Variants in RHBDL3 observed in about 807,000 individuals in gnomAD.
RHBDL3 encodes the protein rhomboid like 3.
RHBDL3 carries 28 observed loss-of-function variants against 48.2 expected under a neutral mutation model. The observed-to-expected ratio is 0.58, with a 90% CI of 0.43 to 0.80. The LOEUF (loss-of-function observed/expected upper bound fraction) is 0.80, where lower values mean the gene tolerates loss of function less well. RHBDL3 is among the 30% of genes least tolerant of loss of function. The pLI is 0.00. For synonymous variants in RHBDL3, 208 were observed against 232.3 expected (o/e 0.90, Z 0.95); for missense variants, 464 against 542.7 (o/e 0.85, Z 1.44).
At chr17:32,279,316 C>T (rs1448880123) in intron 2 of RHBDL3, among the ~76,000 whole-genome samples, 5 of 152,190 alleles carry the variant, frequency 3.3e-5, no homozygotes, top group African/African-American at 4.8e-5. Flanking sequence ...AAGGCCAGCA[C>T]ATAAACTAGC....
intron 2 of RHBDL3, 116 bp from the exon 3 acceptor site, chr17:32,284,539 AGCCT>A: frequency 4.3e-6 from 4 of 928,708 alleles, no homozygotes; most frequent in Non-Finnish European, 6.5e-6. Flanking sequence ...CCAGACACTG[AGCCT>A]CTGCCAGGGG....
At position 32,267,792 on chromosome 17, in the gene RHBDL3, C is replaced by A; in HGVS notation, c.112-110C>A. On this transcript the variant is annotated intron_variant, in intron 1 of 8. Coordinates refer to ENST00000269051, the MANE Select transcript of RHBDL3 (RefSeq NM_138328.3). ...AGCCTGGTCATGACTCCTGGGCAGC[C>A]GCTGGGAGGCTATGTCAGAAACATC... is the stretch of plus-strand genomic sequence containing the variant. 1.9e-6 allele frequency: 3 copies of A among 1,585,562 alleles called. No individual in the cohort carries two copies. In the African/African-American group the frequency reaches 4.0e-5, roughly 21 times the overall value.
chr17:32,286,841 T>C (rs1289013008), intron 3 of RHBDL3, among the ~76,000 whole-genome samples: 1 of 152,164 alleles, frequency 6.6e-6, no homozygotes, highest in African/African-American at 2.4e-5. Context: ...GAGACTGAAA[T>C]CTGGCCCGGA....
intron 2 of RHBDL3, among the ~76,000 whole-genome samples, chr17:32,279,828 C>A (rs1386519190): frequency 6.6e-6 from 1 of 152,154 alleles, no homozygotes; most frequent in Non-Finnish European, 1.5e-5. Flanking sequence ...CGAGTGGAGC[C>A]TCTTTCTGGA....
chr17:32,310,943 G>A (rs1003735606), intron 7 of RHBDL3, among the ~76,000 whole-genome samples: 2 of 139,532 alleles, frequency 1.4e-5, no homozygotes, highest in African/African-American at 2.6e-5. Flanking sequence ...GTAGGACAAA[G>A]AATCAACTCC....
At chr17:32,270,087 A>G (rs2150687295) in intron 2 of RHBDL3, among the ~76,000 whole-genome samples, 1 of 137,712 alleles carries the variant, frequency 7.3e-6, no homozygotes. Context: ...GCATTTTGGG[A>G]GGCTGAGACA....
In RHBDL3 at chr17:32,321,113, G is replaced by A; in HGVS notation, c.1099G>A (p.Asp367Asn). ...VLRNYEQRLQDQSLWWIFVAM... is the reference protein window; with the variant it reads ...VLRNYEQRLQNQSLWWIFVAM... ...GAGGAACTACGAGCAGAGGCTCCAGGACCAGTCACTGTGGTGGATTTTTGT... is the reference window on the plus strand; with the variant it reads ...GAGGAACTACGAGCAGAGGCTCCAGAACCAGTCACTGTGGTGGATTTTTGT... The change falls in exon 9 of 9, where the codon GAC (aspartate) becomes AAC (asparagine). Residue 367 changes from aspartate (D) to asparagine (N), a missense_variant. Coordinates refer to ENST00000269051, the MANE Select transcript of RHBDL3 (RefSeq NM_138328.3). The A allele has an allele frequency of 6.2e-7, 1 of 1,614,252 alleles. No homozygotes were observed. Among genetic ancestry groups the A allele is most frequent in the Non-Finnish European group, 8.5e-7 (1 of 1,180,044 alleles).
At chr17:32,286,269 G>A (rs1190685501) in intron 3 of RHBDL3, among the ~76,000 whole-genome samples, 1 of 152,196 alleles carries the variant, frequency 6.6e-6, no homozygotes, top group East Asian at 1.9e-4. Flanking sequence ...CTCCAGCCAG[G>A]GGTCAATGGA....
intron 2 of RHBDL3, among the ~76,000 whole-genome samples, chr17:32,276,836 T>TGG (rs2039921554): frequency 1.1e-5 from 1 of 91,672 alleles, no homozygotes; most frequent in Non-Finnish European, 1.9e-5. Context: ...CCTAGCACCT[T>TGG]ACTCCGGCCC....
rs528278082 is a variant in RHBDL3 at position 32,316,343 on chromosome 17, G to C, written c.943+51G>C. The C allele has an allele frequency of 1.6e-4, 219 of 1,374,442 alleles. No individual in the cohort carries two copies. The African/African-American group carries it at 2.7e-3, about 17-fold the overall frequency. The allele number at this position is 1,374,442 out of a possible 1,614,324, so 85.1% of individuals were successfully genotyped here. A position where few individuals can be genotyped will look rare whatever the true frequency, so the allele number is the denominator to read the frequency against. ...ACCAAAGCCTGGCACCAGGGCCTGA[G>C]GTTCAAAGATGGCACAGTTCCTGCC... On this transcript the variant is annotated intron_variant, in intron 8 of 8. Coordinates refer to ENST00000269051, the MANE Select transcript of RHBDL3 (RefSeq NM_138328.3).
intron 5 of RHBDL3, among the ~76,000 whole-genome samples, chr17:32,297,005 C>T (rs2040466715): frequency 6.6e-6 from 1 of 151,648 alleles, no homozygotes; most frequent in Admixed American, 6.6e-5. Context: ...CAGGCACCTG[C>T]CACCATGCCT....
At chr17:32,302,826 GA>G (rs2040617919) in intron 6 of RHBDL3, among the ~76,000 whole-genome samples, 1 of 152,192 alleles carries the variant, frequency 6.6e-6, no homozygotes, top group African/African-American at 2.4e-5. Context: ...AGGAACCAGG[GA>G]GGTCCCCTCC....
chr17:32,266,725 C>T (rs2039641572), intron 1 of RHBDL3, among the ~76,000 whole-genome samples: 1 of 152,246 alleles, frequency 6.6e-6, no homozygotes, highest in Non-Finnish European at 1.5e-5. Flanking sequence ...GCCATGCAAG[C>T]CGGCCTGGCG....
intron 7 of RHBDL3, among the ~76,000 whole-genome samples, chr17:32,310,708 G>C (rs918674704): frequency 8.3e-6 from 1 of 120,686 alleles, no homozygotes; most frequent in Non-Finnish European, 1.8e-5. Flanking sequence ...TAGAGACTCC[G>C]TCTAAAAAAA....
chr17:32,281,990 T>C (rs1303411604), intron 2 of RHBDL3, among the ~76,000 whole-genome samples: 1 of 152,254 alleles, frequency 6.6e-6, no homozygotes, highest in Non-Finnish European at 1.5e-5. Flanking sequence ...CTCCCCGTGC[T>C]AACTCTTCTG....
In RHBDL3 at chr17:32,265,890, G is replaced by C. The variant is rs979498861; in HGVS notation, c.-300G>C. Among the ~76,000 whole-genome samples, 11 of 147,006 alleles carry C rather than the reference G, an allele frequency of 7.5e-5. No individual in the cohort carries two copies. The highest frequency in any genetic ancestry group is 2.2e-4 in the African/African-American group (9 of 40,906). Reference sequence around the variant, plus strand: ...CGCGGGGAGCGGCGGGGCCGGGGCCGGCCCAAGGGCGCCCTCGCCTCGGAG... The same window carrying C: ...CGCGGGGAGCGGCGGGGCCGGGGCCCGCCCAAGGGCGCCCTCGCCTCGGAG... On this transcript the variant is annotated 5_prime_UTR_variant, in exon 1 of 9. Coordinates refer to ENST00000269051, the MANE Select transcript of RHBDL3 (RefSeq NM_138328.3).
chr17:32,296,331 C>CTTTTTTTTTTTT (rs5819975), intron 5 of RHBDL3, among the ~76,000 whole-genome samples: 1 of 83,782 alleles, frequency 1.2e-5, no homozygotes, highest in Non-Finnish European at 2.3e-5. Flanking sequence ...GAATAGGTCT[C>CTTTTTTTTTTTT]TTTTTTTTTT....
In RHBDL3 at chr17:32,322,318, CCCTTCCACA is replaced by C. The variant is rs1449407711; in HGVS notation, c.*1093_*1101del. On this transcript the variant is annotated 3_prime_UTR_variant, in exon 9 of 9. Transcript: ENST00000269051. ...TGCCCCCTTCCTTCCCATCTCCTGT[CCCTTCCACA>C]CCTGCCCCTGAGCATCACTGACCGG... 5 of 152,640 alleles carry C rather than the reference CCCTTCCACA, an allele frequency of 3.3e-5. No individual in the cohort carries two copies. Among genetic ancestry groups the C allele is most frequent in the African/African-American group, 1.2e-4 (5 of 41,578 alleles). The allele number at this position is 152,640 out of a possible 1,614,324, so 9.5% of individuals were successfully genotyped here. A position where few individuals can be genotyped will look rare whatever the true frequency, so the allele number is the denominator to read the frequency against.
At chr17:32,309,969 G>T (rs140156503) in intron 7 of RHBDL3, among the ~76,000 whole-genome samples, 1 of 151,392 alleles carries the variant, frequency 6.6e-6, no homozygotes, top group African/African-American at 2.4e-5. Context: ...GGCTGGTCTC[G>T]AACTCCTGAA....
Sources: allele counts gnomAD v4.1 joint callset (sites outside exome capture counted in the v4.1 genomes callset), GRCh38; gene constraint gnomAD v4.1.1; transcripts MANE v1.5; gene names NCBI Gene and HGNC (gene_info 2026-07-23, HGNC 2026-07-21).